The following SATB2 variants were observed in gnomAD, a reference collection of about 807,000 sequenced individuals.
SATB2 encodes the protein DNA-binding protein SATB2.
SATB2 carries 1 observed loss-of-function variant against 73.4 expected under a neutral mutation model. That is an observed-to-expected ratio of 0.01 (90% CI 0.00 to 0.06). The LOEUF is 0.06. Ranked by LOEUF, SATB2 falls within the 10% of genes least tolerant of loss-of-function variation. The pLI, the probability that SATB2 is intolerant of heterozygous loss-of-function variation, is 1.00. For synonymous variants in SATB2, 397 were observed against 367.0 expected, an observed-to-expected ratio of 1.08 and a Z score of -0.93; for missense variants, 459 against 945.8, an observed-to-expected ratio of 0.49 and a Z score of 6.75.
At chr2:199,422,792 G>A (rs1263206785) in intron 3 of SATB2, among the ~76,000 whole-genome samples, 1 of 152,006 alleles carries the variant, frequency 6.6e-6, no homozygotes, top group East Asian at 1.9e-4. Flanking sequence ...TTAAGCCCTA[G>A]GACAGTGCCT....
intron 2 of SATB2, among the ~76,000 whole-genome samples, chr2:199,438,348 AG>A (rs1401327514): frequency 6.6e-6 from 1 of 152,200 alleles, no homozygotes. Flanking sequence ...AACTGATACT[AG>A]GCCAATAGTG....
At chr2:199,381,975 G>A (rs17199393) in intron 3 of SATB2, among the ~76,000 whole-genome samples, 155 bp from the exon 4 acceptor site, 5,705 of 152,264 alleles carry the variant, frequency 0.037, 136 homozygotes, top group Middle Eastern at 0.075. Flanking sequence ...CTTTCTGGCC[G>A]ACAATTGAGT....
At chr2:199,343,931 A>G (rs955815809) in intron 7 of SATB2, among the ~76,000 whole-genome samples, 18 of 152,342 alleles carry the variant, frequency 1.2e-4, no homozygotes, top group Admixed American at 3.9e-4. Flanking sequence ...AACGCCAAAG[A>G]AAAATCATTA....
At chr2:199,405,833 T>C (rs1384666512) in intron 3 of SATB2, among the ~76,000 whole-genome samples, 1 of 152,036 alleles carries the variant, frequency 6.6e-6, no homozygotes, top group African/African-American at 2.4e-5. Flanking sequence ...CTCTCTCAAA[T>C]CCATTCTTAT....
intron 3 of SATB2, among the ~76,000 whole-genome samples, chr2:199,411,863 A>G (rs1251619860): frequency 1.3e-5 from 2 of 152,214 alleles, no homozygotes; most frequent in Non-Finnish European, 2.9e-5. Flanking sequence ...AACTAATGCT[A>G]TTTGGTGAAC....
chr2:199,380,874 T>C (rs1047505035), intron 4 of SATB2, among the ~76,000 whole-genome samples: 3 of 152,146 alleles, frequency 2.0e-5, no homozygotes, highest in Non-Finnish European at 4.4e-5. Context: ...AGATTTGCAG[T>C]TGGAAGGCCC....
At chr2:199,469,297 AG>A (rs1188885667), upstream of SATB2, among the ~76,000 whole-genome samples, 7 of 152,292 alleles carry the variant, frequency 4.6e-5, no homozygotes, top group East Asian at 1.4e-3. Flanking sequence ...ACCTGCTCAA[AG>A]AGCCACCCCA....
intron 3 of SATB2, among the ~76,000 whole-genome samples, chr2:199,386,175 G>A (rs1545410): frequency 0.94 from 143,386 of 152,222 alleles, 68,146 homozygotes; most frequent in East Asian, 1. Flanking sequence ...CAGATTTTGA[G>A]ATAGTTGCAT....
At chr2:199,373,374 A>G (rs1421804220) in intron 5 of SATB2, among the ~76,000 whole-genome samples, 2 of 152,154 alleles carry the variant, frequency 1.3e-5, no homozygotes, top group East Asian at 3.9e-4. Flanking sequence ...TTACTTTGTC[A>G]TGAAAAAAAT....
At chr2:199,401,223 A>C (rs752328000) in intron 3 of SATB2, among the ~76,000 whole-genome samples, 2 of 152,152 alleles carry the variant, frequency 1.3e-5, no homozygotes, top group Non-Finnish European at 2.9e-5. Context: ...AAAATATATA[A>C]TTAAAAATTT....
At chr2:199,411,482 A>G (rs1433830151) in intron 3 of SATB2, among the ~76,000 whole-genome samples, 1 of 152,212 alleles carries the variant, frequency 6.6e-6, no homozygotes, top group Non-Finnish European at 1.5e-5. Flanking sequence ...ATGTTCTAGG[A>G]ACTATGCTAT....
At chr2:199,459,977 ACC>A (rs1196474275), upstream of SATB2, 1 of 152,290 alleles carries the variant, frequency 6.6e-6, no homozygotes, top group East Asian at 1.9e-4. The surrounding 1 kb of genome is among the most constrained non-coding windows in gnomAD (Gnocchi z 4.2). Flanking sequence ...ATCACCACGA[ACC>A]CCGCACCTAG....
intron 10 of SATB2, among the ~76,000 whole-genome samples, chr2:199,273,655 CATAG>C (rs756578545): frequency 5.9e-5 from 9 of 152,120 alleles, no homozygotes; most frequent in Non-Finnish European, 8.8e-5. Flanking sequence ...TTATACTTAA[CATAG>C]ATAGACCTTC....
At chr2:199,384,953 A>G (rs1007407207) in intron 3 of SATB2, among the ~76,000 whole-genome samples, 1 of 152,206 alleles carries the variant, frequency 6.6e-6, no homozygotes, top group Admixed American at 6.5e-5. Flanking sequence ...TGATGATTAT[A>G]TTAGCTTTCA....
At chr2:199,355,360 A>ATATATATATC (rs1688950341) in intron 6 of SATB2, among the ~76,000 whole-genome samples, 2 of 144,214 alleles carry the variant, frequency 1.4e-5, no homozygotes, top group East Asian at 4.0e-4. Flanking sequence ...ATATATATAT[A>ATATATATATC]TATATATATA....
intron 5 of SATB2, 71 bp from the exon 6 acceptor site, chr2:199,368,778 T>A (rs1323508102): frequency 2.3e-6 from 2 of 856,610 alleles, no homozygotes; most frequent in Non-Finnish European, 3.8e-6. Flanking sequence ...AAGAGCACTT[T>A]ATAACCTGCA....
At chr2:199,317,483 C>A (rs1383812611) in intron 9 of SATB2, among the ~76,000 whole-genome samples, 1 of 152,002 alleles carries the variant, frequency 6.6e-6, no homozygotes, top group African/African-American at 2.4e-5. Context: ...AAATAATGAA[C>A]TCAAAGGTTT....
intron 2 of SATB2, among the ~76,000 whole-genome samples, chr2:199,443,569 C>T (rs1299862551): frequency 1.3e-5 from 2 of 149,322 alleles, no homozygotes; most frequent in African/African-American, 2.5e-5. Flanking sequence ...CTTTCTCCCT[C>T]ACAAAAAGAA....
At chr2:199,359,141 T>C (rs765644559) in intron 6 of SATB2, among the ~76,000 whole-genome samples, 1 of 152,194 alleles carries the variant, frequency 6.6e-6, no homozygotes, top group Non-Finnish European at 1.5e-5. Context: ...TCCATGTGTA[T>C]TAATTCTTTA....
Sources: allele counts gnomAD v4.1 joint callset (sites outside exome capture counted in the v4.1 genomes callset), GRCh38; gene constraint gnomAD v4.1.1; non-coding constraint Gnocchi (gnomAD v3.1); transcripts MANE v1.5; gene names NCBI Gene and HGNC (gene_info 2026-07-23, HGNC 2026-07-21).